Variants in TSPAN9 observed in about 807,000 individuals in gnomAD.
TSPAN9 encodes tetraspanin-9.
In TSPAN9, 16 loss-of-function variants were observed where a neutral mutation model predicts 31.0. The ratio of observed to expected loss-of-function variants is 0.52; its 90% confidence interval spans 0.35 to 0.78. TSPAN9 has a LOEUF of 0.78. TSPAN9 is among the 30% of genes least tolerant of loss of function. TSPAN9 has a pLI of 0.01. For missense variants in TSPAN9, 272 were observed against 312.5 expected, an observed-to-expected ratio of 0.87 and a Z score of 0.98; for synonymous variants, 145 against 121.6, an observed-to-expected ratio of 1.19 and a Z score of -1.27.
chr12:3,135,983 A>G (rs1224655105), intron 2 of TSPAN9, among the ~76,000 whole-genome samples: 17 of 152,120 alleles, frequency 1.1e-4, no homozygotes, highest in Admixed American at 1.1e-3. Context: ...AAGGGTCCAG[A>G]AGCCGAGACC....
At chr12:3,223,068 C>T (rs1214240457) in intron 3 of TSPAN9, among the ~76,000 whole-genome samples, 1 of 152,212 alleles carries the variant, frequency 6.6e-6, no homozygotes, top group African/African-American at 2.4e-5. Context: ...CTATTAACTC[C>T]CCATTAGCAT....
intron 3 of TSPAN9, among the ~76,000 whole-genome samples, chr12:3,255,101 A>G (rs1862321022): frequency 1.3e-5 from 2 of 152,218 alleles, no homozygotes; most frequent in Admixed American, 6.5e-5. Context: ...CAAAATAGCA[A>G]TGCACAATCA....
chr12:3,103,208 C>T (rs1314846209), intron 2 of TSPAN9, among the ~76,000 whole-genome samples: 2 of 152,190 alleles, frequency 1.3e-5, no homozygotes, highest in Non-Finnish European at 2.9e-5. Flanking sequence ...CCTTGGCTGC[C>T]GTCACCAGTT....
intron 2 of TSPAN9, among the ~76,000 whole-genome samples, chr12:3,105,744 A>G (rs903094490): frequency 2.2e-5 from 3 of 137,080 alleles, no homozygotes; most frequent in Non-Finnish European, 3.2e-5. Context: ...GTGCACACAC[A>G]CACTCACACA....
chr12:3,227,108 CTG>C (rs1300761476), intron 3 of TSPAN9, among the ~76,000 whole-genome samples: 1 of 152,024 alleles, frequency 6.6e-6, no homozygotes, highest in East Asian at 1.9e-4. Context: ...ACACTGCACT[CTG>C]TACTGTGTTG....
At position 3,276,929 on chromosome 12, in the gene TSPAN9, G is replaced by A. The variant is rs564498045; in HGVS notation, c.64-1492G>A. Among the ~76,000 whole-genome samples the A allele has an allele frequency of 2.1e-4, 32 of 152,222 alleles. No individual in the cohort carries two copies. In the East Asian group the frequency reaches 5.8e-3, roughly 28 times the overall value. ...ATGGGCATCCCTACCCTGCCTAATT[G>A]CGGGTTGCCCTGTCTCAGCCCTGAG... On this transcript the variant is annotated intron_variant, in intron 3 of 8. Coordinates refer to ENST00000011898, the MANE Select transcript of TSPAN9 (RefSeq NM_006675.5).
chr12:3,145,600 C>T (rs1229655490), intron 2 of TSPAN9, among the ~76,000 whole-genome samples: 1 of 152,208 alleles, frequency 6.6e-6, no homozygotes, highest in East Asian at 1.9e-4. Context: ...ATTCTAATAG[C>T]ACATACACAG....
chr12:3,125,503 T>A (rs2098326942), intron 2 of TSPAN9, among the ~76,000 whole-genome samples: 1 of 152,218 alleles, frequency 6.6e-6, no homozygotes, highest in African/African-American at 2.4e-5. Context: ...TAATTATTTT[T>A]AAAAAATAGG....
At chr12:3,153,531 T>C (rs1241656766) in intron 2 of TSPAN9, among the ~76,000 whole-genome samples, 1 of 151,274 alleles carries the variant, frequency 6.6e-6, no homozygotes, top group African/African-American at 2.4e-5. Flanking sequence ...AGCTACATAA[T>C]CATCACAATT....
chr12:3,270,860 AG>A (rs1414347364), intron 3 of TSPAN9, among the ~76,000 whole-genome samples: 1 of 152,238 alleles, frequency 6.6e-6, no homozygotes, highest in Non-Finnish European at 1.5e-5. Flanking sequence ...CTCAACTGCT[AG>A]GGGTTTTGGT....
chr12:3,109,102 A>AT (rs536696660), intron 2 of TSPAN9, among the ~76,000 whole-genome samples: 98 of 151,734 alleles, frequency 6.5e-4, no homozygotes, highest in African/African-American at 2.2e-3. Flanking sequence ...CGCCCGGCTA[A>AT]TTTTTTGCAT....
chr12:3,204,240 C>T (rs1377897043), intron 3 of TSPAN9, among the ~76,000 whole-genome samples: 2 of 152,224 alleles, frequency 1.3e-5, no homozygotes, highest in African/African-American at 4.8e-5. Context: ...AGGTATTTCT[C>T]CAAACTCACC....
chr12:3,218,697 G>T (rs1004690585), intron 3 of TSPAN9, among the ~76,000 whole-genome samples: 2 of 152,236 alleles, frequency 1.3e-5, no homozygotes, highest in Admixed American at 6.5e-5. Flanking sequence ...AGCACTGGGG[G>T]CTGAGCCCGC....
rs2098315229 is a variant in TSPAN9, at chr12:3,107,350, AG to A, written c.-18+23636del. The stretch of plus-strand genomic sequence containing the variant: ...CCTGAGGTCTGCCAGGCGGCACTGC[AG>A]GGGGCGGGAGTGGCCTGGAGGCTGA... On this transcript the variant is annotated intron_variant, in intron 2 of 8. Transcript: ENST00000011898. This position sits in a 1 kb window ranked among gnomAD's most constrained non-coding sequence, Gnocchi z 4.1. 6.6e-6 allele frequency among the ~76,000 whole-genome samples: 1 copy of A among 152,190 alleles called. No homozygotes were observed. Among genetic ancestry groups the A allele is most frequent in the South Asian group, 2.1e-4 (1 of 4,836 alleles).
At chr12:3,078,908 G>T (rs772522529) in intron 1 of TSPAN9, among the ~76,000 whole-genome samples, 1 of 151,716 alleles carries the variant, frequency 6.6e-6, no homozygotes, top group Non-Finnish European at 1.5e-5. Context: ...AGTTGGCCAA[G>T]TTTTTTCTAT....
chr12:3,110,883 G>A (rs1473464335), intron 2 of TSPAN9, among the ~76,000 whole-genome samples: 1 of 152,180 alleles, frequency 6.6e-6, no homozygotes, highest in Non-Finnish European at 1.5e-5. Context: ...TAGTGAACAT[G>A]TGTTGATTCT....
chr12:3,237,394 C>G (rs2098394359), intron 3 of TSPAN9, among the ~76,000 whole-genome samples: 1 of 152,224 alleles, frequency 6.6e-6, no homozygotes, highest in South Asian at 2.1e-4. Flanking sequence ...GTTCTGGTCC[C>G]TGTATTTCCC....
At chr12:3,225,639 T>TG (rs1341019257) in intron 3 of TSPAN9, among the ~76,000 whole-genome samples, 7 of 152,058 alleles carry the variant, frequency 4.6e-5, no homozygotes, top group African/African-American at 1.4e-4. Context: ...GACTCATGCT[T>TG]GGTTCCGGAG....
intron 3 of TSPAN9, among the ~76,000 whole-genome samples, chr12:3,255,049 C>T (rs1338454443): frequency 6.6e-6 from 1 of 152,208 alleles, no homozygotes; most frequent in Non-Finnish European, 1.5e-5. Context: ...ACCCTGTGAG[C>T]TTCCTGCTGC....
Sources: gnomAD v4.1 joint callset for allele counts (sites outside exome capture counted in the v4.1 genomes callset) on GRCh38, gnomAD v4.1.1 for gene constraint, Gnocchi (gnomAD v3.1) non-coding constraint, MANE v1.5 for transcripts, NCBI Gene and HGNC (gene_info 2026-07-23, HGNC 2026-07-21) for gene names.